The following PCMTD1 variants were observed in gnomAD, a reference collection of about 807,000 sequenced individuals.
The protein encoded by PCMTD1 is protein-L-isoaspartate O-methyltransferase domain-containing protein 1.
Under a neutral mutation model 37.6 loss-of-function variants are expected in PCMTD1, and 12 were observed. That is an observed-to-expected ratio of 0.32 (90% CI 0.20 to 0.52). The LOEUF (loss-of-function observed/expected upper bound fraction) is 0.52. PCMTD1 is among the 20% of genes least tolerant of loss of function. The pLI is 0.97. For synonymous variants in PCMTD1, 117 were observed against 135.8 expected (o/e 0.86, Z 0.96); for missense variants, 235 against 421.3 (o/e 0.56, Z 3.87).
chr8:51,856,942 G>A (rs575294851), intron 2 of PCMTD1, among the ~76,000 whole-genome samples: 2 of 152,178 alleles, frequency 1.3e-5, no homozygotes, highest in Non-Finnish European at 2.9e-5. Context: ...TCACTGAATT[G>A]TACTCTTAAA....
At chr8:51,841,855 C>G (rs2038150904) in intron 3 of PCMTD1, among the ~76,000 whole-genome samples, 1 of 152,168 alleles carries the variant, frequency 6.6e-6, no homozygotes, top group Non-Finnish European at 1.5e-5. Flanking sequence ...AGACAGTAGG[C>G]CAAGTCCAGA....
intron 5 of PCMTD1, among the ~76,000 whole-genome samples, chr8:51,824,424 C>G (rs1263642637): frequency 6.6e-6 from 1 of 152,186 alleles, no homozygotes; most frequent in Non-Finnish European, 1.5e-5. Flanking sequence ...AAAGCCAAAT[C>G]ATGAGTGAAC....
Position 51,817,700 on chromosome 8 carries a change from A to T in PCMTD1, c.*2651T>A. The T allele has an allele frequency of 7.0e-6, 2 of 284,868 alleles. No individual in the cohort carries two copies. Among genetic ancestry groups the T allele is most frequent in the Admixed American group, 4.8e-5 (1 of 20,990 alleles). 17.6% of individuals were successfully genotyped at this position (284,868 alleles called of 1,614,324 possible). A position where few individuals can be genotyped will look rare whatever the true frequency, so the allele number is the denominator to read the frequency against. On this transcript the variant is annotated 3_prime_UTR_variant, in exon 6 of 6. Transcript: ENST00000522514. ...TAAATCAACACACTTTTTGTATTTT[A>T]TTTTACTACTATGTATGCTATTTTA...
At chr8:51,827,322 T>G (rs2037934955) in intron 5 of PCMTD1, 1 of 1,219,260 alleles carries the variant, frequency 8.2e-7, no homozygotes, top group Admixed American at 2.3e-5. Context: ...ATGCACAGTT[T>G]CACTTTCCAC....
At chr8:51,828,740 G>T (rs1355971508) in intron 5 of PCMTD1, among the ~76,000 whole-genome samples, 1 of 152,178 alleles carries the variant, frequency 6.6e-6, no homozygotes, top group East Asian at 1.9e-4. Flanking sequence ...CTAAAAAGTA[G>T]ACTTCATGGA....
intron 1 of PCMTD1, among the ~76,000 whole-genome samples, chr8:51,876,744 T>A (rs753312368): frequency 6.6e-6 from 1 of 152,154 alleles, no homozygotes; most frequent in Non-Finnish European, 1.5e-5. Context: ...AACAAGAGAT[T>A]GATGATAATA....
intron 5 of PCMTD1, among the ~76,000 whole-genome samples, chr8:51,824,602 A>G (rs1472526498): frequency 1.3e-5 from 2 of 152,186 alleles, no homozygotes; most frequent in Non-Finnish European, 1.5e-5. Context: ...AATCAATATC[A>G]TGAAAATGGC....
chr8:51,828,596 T>G (rs545437033), intron 5 of PCMTD1, among the ~76,000 whole-genome samples: 2 of 152,288 alleles, frequency 1.3e-5, no homozygotes, highest in Non-Finnish European at 2.9e-5. Flanking sequence ...CAAAGTAAGG[T>G]CGAACCATCC....
intron 2 of PCMTD1, among the ~76,000 whole-genome samples, chr8:51,855,211 T>C (rs1215000080): frequency 8.3e-6 from 1 of 120,206 alleles, no homozygotes; most frequent in African/African-American, 3.0e-5. Flanking sequence ...AAAACATAAT[T>C]TATAATTCCT....
At chr8:51,853,434 T>TA (rs35874477) in intron 2 of PCMTD1, among the ~76,000 whole-genome samples, 9,421 of 152,186 alleles carry the variant, frequency 0.062, 383 homozygotes, top group Non-Finnish European at 0.088. Context: ...CACAGGGAGA[T>TA]AGAGATTCAC....
chr8:51,851,802 C>T (rs1486415179), intron 2 of PCMTD1, among the ~76,000 whole-genome samples: 1 of 152,030 alleles, frequency 6.6e-6, no homozygotes, highest in African/African-American at 2.4e-5. Context: ...AGGCATGAGC[C>T]ACCACGCCCG....
chr8:51,881,466 G>C (rs1049090104), intron 1 of PCMTD1, among the ~76,000 whole-genome samples: 3 of 152,020 alleles, frequency 2.0e-5, no homozygotes, highest in African/African-American at 7.2e-5. Context: ...GCCTCAATTT[G>C]CCAGACTGTC....
intron 5 of PCMTD1, among the ~76,000 whole-genome samples, chr8:51,828,491 T>C (rs2129274651): frequency 6.6e-6 from 1 of 152,300 alleles, no homozygotes; most frequent in East Asian, 1.9e-4. Context: ...CTTTACAATG[T>C]GTTTATCAGG....
intron 1 of PCMTD1, among the ~76,000 whole-genome samples, chr8:51,897,090 A>C (rs777217803): frequency 7.2e-5 from 11 of 152,240 alleles, no homozygotes; most frequent in Non-Finnish European, 1.5e-4. Flanking sequence ...AATTTGGCTT[A>C]AAATTTCAGG....
intron 3 of PCMTD1, among the ~76,000 whole-genome samples, chr8:51,838,469 G>C (rs145611279): frequency 6.6e-6 from 1 of 151,870 alleles, no homozygotes; most frequent in Admixed American, 6.6e-5. Flanking sequence ...CAGCCTGTGC[G>C]ACACAGCAAG....
chr8:51,866,514 A>C (rs2038557521), intron 1 of PCMTD1, among the ~76,000 whole-genome samples: 1 of 151,952 alleles, frequency 6.6e-6, no homozygotes, highest in Admixed American at 6.6e-5. Context: ...GGATACCAAG[A>C]ACACACCATT....
chr8:51,889,322 GAGCACTTAC>G (rs1294515946), intron 1 of PCMTD1, among the ~76,000 whole-genome samples: 1 of 152,086 alleles, frequency 6.6e-6, no homozygotes, highest in Non-Finnish European at 1.5e-5. Context: ...ATCATTAATT[GAGCACTTAC>G]AGCATAAAGC....
At chr8:51,855,948 T>C (rs2038382109) in intron 2 of PCMTD1, among the ~76,000 whole-genome samples, 1 of 152,072 alleles carries the variant, frequency 6.6e-6, no homozygotes, top group Non-Finnish European at 1.5e-5. Context: ...GACTACAGAC[T>C]GAGCCACCGC....
chr8:51,892,262 T>C (rs1380456024), intron 1 of PCMTD1, among the ~76,000 whole-genome samples: 1 of 152,344 alleles, frequency 6.6e-6, no homozygotes, highest in Non-Finnish European at 1.5e-5. Context: ...GCATAGGCCA[T>C]AGATCCAGAC....
Sources: allele counts gnomAD v4.1 joint callset (sites outside exome capture counted in the v4.1 genomes callset), GRCh38; gene constraint gnomAD v4.1.1; transcripts MANE v1.5; gene names NCBI Gene and HGNC (gene_info 2026-07-23, HGNC 2026-07-21).